LMAN2L: variants seen among roughly 807,000 people sequenced by gnomAD.
LMAN2L encodes the protein lectin, mannose binding 2 like, also known as VIP36-like protein.
In LMAN2L, 30 loss-of-function variants were observed where a neutral mutation model predicts 44.3. The observed-to-expected ratio is 0.68, with a 90% CI of 0.51 to 0.92. The LOEUF (loss-of-function observed/expected upper bound fraction) is 0.92. Ranked by LOEUF, LMAN2L falls within the 40% of genes least tolerant of loss-of-function variation. LMAN2L has a pLI of 0.00. For synonymous variants in LMAN2L, 183 were observed against 171.1 expected, an observed-to-expected ratio of 1.07 and a Z score of -0.54; for missense variants, 429 against 446.1, an observed-to-expected ratio of 0.96 and a Z score of 0.35.
intron 4 of LMAN2L, among the ~76,000 whole-genome samples, chr2:96,728,609 G>A (rs948227998): frequency 1.2e-4 from 18 of 152,054 alleles, no homozygotes; most frequent in Admixed American, 2.0e-4. Context: ...TTGGGAGGCC[G>A]AGGCGGGTAG....
intron 4 of LMAN2L, among the ~76,000 whole-genome samples, chr2:96,721,217 T>C (rs1054758716): frequency 6.6e-6 from 1 of 152,122 alleles, no homozygotes; most frequent in African/African-American, 2.4e-5. Context: ...TTCATATGCA[T>C]GGGATCATAC....
chr2:96,735,905 T>C (rs1411878358), intron 2 of LMAN2L, among the ~76,000 whole-genome samples: 1 of 150,392 alleles, frequency 6.6e-6, no homozygotes, highest in Non-Finnish European at 1.5e-5. Flanking sequence ...CAAAGCATTT[T>C]GAGAGGCTTT....
chr2:96,722,205 T>G (rs907556063), intron 4 of LMAN2L, among the ~76,000 whole-genome samples: 1 of 150,692 alleles, frequency 6.6e-6, no homozygotes, highest in Non-Finnish European at 1.5e-5. Flanking sequence ...CCTGACCTCG[T>G]GATCCGCCCA....
intron 4 of LMAN2L, among the ~76,000 whole-genome samples, chr2:96,732,693 TC>T (rs2078429158): frequency 6.7e-6 from 1 of 149,080 alleles, no homozygotes; most frequent in Non-Finnish European, 1.5e-5. Flanking sequence ...AACTCTTAGG[TC>T]AGGTAACAAA....
rs564647545 is a variant in LMAN2L, at chr2:96,732,378, A to C, written c.507+1141T>G. 7.3e-5 allele frequency among the ~76,000 whole-genome samples: 11 copies of C among 150,078 alleles called. No individual in the cohort carries two copies. In the South Asian group the frequency reaches 2.4e-3, roughly 33 times the overall value. ...AAGAAAGCAATAGCCGGGCATGGTG[A>C]CTCACGCCTGTAATCCCAGCACTTT... On this transcript the variant is annotated intron_variant, in intron 4 of 7. Coordinates refer to ENST00000264963, the MANE Select transcript of LMAN2L (RefSeq NM_030805.4).
intron 4 of LMAN2L, among the ~76,000 whole-genome samples, chr2:96,719,566 A>G (rs994749677): frequency 4.6e-5 from 7 of 151,652 alleles, no homozygotes; most frequent in Admixed American, 3.3e-4. Flanking sequence ...TTGAAAACAT[A>G]GCAAGACCGT....
chr2:96,715,346 G>C (rs1034901794), intron 4 of LMAN2L, among the ~76,000 whole-genome samples: 1 of 152,232 alleles, frequency 6.6e-6, no homozygotes, highest in Non-Finnish European at 1.5e-5. Flanking sequence ...CAGAGAATCT[G>C]TCTACTTCGG....
chr2:96,708,170 T>C (rs1333663236), intron 6 of LMAN2L, among the ~76,000 whole-genome samples: 2 of 152,240 alleles, frequency 1.3e-5, no homozygotes, highest in African/African-American at 4.8e-5. Flanking sequence ...TTTGATCTTT[T>C]CCCAGGCTAG....
At chr2:96,724,894 C>T (rs1014336170) in intron 4 of LMAN2L, among the ~76,000 whole-genome samples, 7 of 151,678 alleles carry the variant, frequency 4.6e-5, no homozygotes, top group African/African-American at 9.7e-5. Context: ...TGCAGTGGCG[C>T]GATCTTGGCT....
At chr2:96,729,148 G>A (rs947005160) in intron 4 of LMAN2L, among the ~76,000 whole-genome samples, 11 of 151,662 alleles carry the variant, frequency 7.3e-5, no homozygotes, top group African/African-American at 2.7e-4. Context: ...CTCCAGCCTG[G>A]GCGACAGAGC....
At chr2:96,739,651 G>C (rs2078592200) in intron 1 of LMAN2L, among the ~76,000 whole-genome samples, 1 of 152,062 alleles carries the variant, frequency 6.6e-6, no homozygotes, top group South Asian at 2.1e-4. Context: ...TTACCTACTG[G>C]AAACTTCCAG....
chr2:96,723,427 C>T (rs746038968), intron 4 of LMAN2L, among the ~76,000 whole-genome samples: 2 of 152,170 alleles, frequency 1.3e-5, no homozygotes, highest in Non-Finnish European at 2.9e-5. Flanking sequence ...ACGTTTCAAA[C>T]AAATCTCTAA....
intron 4 of LMAN2L, among the ~76,000 whole-genome samples, chr2:96,719,824 C>A (rs1258570205): frequency 6.6e-6 from 1 of 152,130 alleles, no homozygotes; most frequent in African/African-American, 2.4e-5. Flanking sequence ...GAACTCCTGA[C>A]CTCAAGTGCT....
intron 6 of LMAN2L, among the ~76,000 whole-genome samples, chr2:96,708,984 G>A (rs527239363): frequency 3.6e-5 from 5 of 140,056 alleles, no homozygotes; most frequent in East Asian, 2.1e-4. Flanking sequence ...GCACGATCTC[G>A]GCTCACTGCA....
At chr2:96,734,341 T>C (rs947746373) in intron 3 of LMAN2L, 68 bp downstream of exon 3, 14 of 976,212 alleles carry the variant, frequency 1.4e-5, no homozygotes, top group Non-Finnish European at 2.3e-5. Context: ...AAGGAACCTT[T>C]TCAAAAAGAG....
At chr2:96,726,923 A>G (rs1424684172) in intron 4 of LMAN2L, among the ~76,000 whole-genome samples, 2 of 152,060 alleles carry the variant, frequency 1.3e-5, no homozygotes, top group African/African-American at 4.8e-5. Flanking sequence ...GTCTCCACTA[A>G]AAACACAAAA....
At chr2:96,725,423 A>G (rs1014155274) in intron 4 of LMAN2L, among the ~76,000 whole-genome samples, 3 of 151,480 alleles carry the variant, frequency 2.0e-5, no homozygotes, top group Non-Finnish European at 4.4e-5. Context: ...TGTAGTTGTC[A>G]AAGTTTTTCT....
At chr2:96,715,291 G>A (rs2078017814) in intron 4 of LMAN2L, among the ~76,000 whole-genome samples, 1 of 152,234 alleles carries the variant, frequency 6.6e-6, no homozygotes, top group Admixed American at 6.5e-5. Context: ...CAGCCAAATT[G>A]AAGAAACGCT....
rs1407205090 is a variant in LMAN2L, at chr2:96,707,202, G to A, written c.*54C>T. 24 of 1,574,630 alleles carry A rather than the reference G, an allele frequency of 1.5e-5. No individual in the cohort carries two copies. Among genetic ancestry groups the A allele is most frequent in the Non-Finnish European group, 2.0e-5 (23 of 1,150,096 alleles). ...AGGCTGCATGCTCAGGCCAGTGCCT[G>A]CTCCTTCCATACCTCATGGGTGACA... On this transcript the variant is annotated 3_prime_UTR_variant, in exon 8 of 8. Transcript: ENST00000264963.
Sources: allele counts gnomAD v4.1 joint callset (sites outside exome capture counted in the v4.1 genomes callset), GRCh38; gene constraint gnomAD v4.1.1; transcripts MANE v1.5; gene names NCBI Gene and HGNC (gene_info 2026-07-23, HGNC 2026-07-21).